The following HSD17B13 variants were observed in gnomAD, a reference collection of about 807,000 sequenced individuals.
HSD17B13 encodes the protein hydroxysteroid 17-beta dehydrogenase 13, also known as 17-beta-hydroxysteroid dehydrogenase 13.
In HSD17B13, 26 loss-of-function variants were observed where a neutral mutation model predicts 31.1. That is an observed-to-expected ratio of 0.84 (90% CI 0.61 to 1.16). HSD17B13 has a LOEUF of 1.16. HSD17B13 is among the 50% of genes most tolerant of loss of function. The pLI, the probability that HSD17B13 is intolerant of heterozygous loss-of-function variation, is 0.00. For synonymous variants in HSD17B13, 141 were observed against 133.7 expected (o/e 1.05, Z -0.38); for missense variants, 374 against 366.5 (o/e 1.02, Z -0.17).
chr4:87,319,365 A>G lies in HSD17B13; in HGVS notation c.211-929T>C, dbSNP rs192092827. 4.6e-3 allele frequency among the ~76,000 whole-genome samples: 699 copies of G among 152,328 alleles called. 3 individuals carry two copies. The highest frequency in any genetic ancestry group is 7.8e-3 in the Non-Finnish European group (529 of 68,022). ...TTTTCCTCTTGGTTGGAGGCTGTAC[A>G]GTAGGCAGTTTCTCTAAAGCAGGCT... On this transcript the variant is annotated intron_variant, in intron 1 of 6. Transcript: ENST00000328546.
chr4:87,317,027 G>A (rs555569080), intron 3 of HSD17B13, 65 bp downstream of exon 3: 36 of 1,525,216 alleles, frequency 2.4e-5, no homozygotes, highest in South Asian at 1.5e-4. Context: ...TGTGAACTCC[G>A]TTATAAGTTT....
At chr4:87,305,373 T>G in intron 6 of HSD17B13, 65 bp from the exon 7 acceptor site, 3 of 1,079,226 alleles carry the variant, frequency 2.8e-6, no homozygotes, top group Non-Finnish European at 3.9e-6. Flanking sequence ...CAGAGTTCTG[T>G]TTTTGGTCAT....
rs748883101 is a variant in HSD17B13 at position 87,322,653 on chromosome 4, C to T, written c.189G>A (p.Leu63=). The change falls in exon 1 of 7, where the codon TTG becomes TTA. Residue 63 remains leucine, a synonymous_variant. Coordinates refer to ENST00000328546, the MANE Select transcript of HSD17B13 (RefSeq NM_178135.5). Reference sequence around the variant, plus strand: ...TTACCTTATTAATATCCCACAGAACCAATATGCTCTGTCGTTTTGCAAATT... The same window carrying T: ...TTACCTTATTAATATCCCACAGAACTAATATGCTCTGTCGTTTTGCAAATT... The part of the protein sequence containing the change: ...TYEFAKRQSI[L]VLWDINKRGV... 2 of 1,611,658 alleles carry T rather than the reference C, an allele frequency of 1.2e-6. No individual in the cohort carries two copies.
Position 87,303,885 on chromosome 4 carries a change from C to G in HSD17B13, c.*1333G>C. 1 of 121,054 alleles carries G rather than the reference C, an allele frequency of 8.3e-6. No individual in the cohort carries two copies. Among genetic ancestry groups the G allele is most frequent in the Non-Finnish European group, 1.8e-5 (1 of 56,140 alleles). The allele number at this position is 121,054 out of a possible 1,614,324, so 7.5% of individuals were successfully genotyped here. A position where few individuals can be genotyped will look rare whatever the true frequency, so the allele number is the denominator to read the frequency against. On this transcript the variant is annotated 3_prime_UTR_variant, in exon 7 of 7. Transcript: ENST00000328546. ...TATTTTTAGTGAATTGTTTTTGTGACTTTTAAAAAAATCATTTGTTTTTAA... is the reference window on the plus strand; with the variant it reads ...TATTTTTAGTGAATTGTTTTTGTGAGTTTTAAAAAAATCATTTGTTTTTAA...
intron 5 of HSD17B13, among the ~76,000 whole-genome samples, chr4:87,312,325 T>C (rs1279696709): frequency 6.6e-6 from 1 of 152,110 alleles, no homozygotes; most frequent in African/African-American, 2.4e-5. Context: ...GTCAGCATAA[T>C]TTCACAAAGT....
intron 6 of HSD17B13, among the ~76,000 whole-genome samples, chr4:87,306,748 T>C (rs2110096530): frequency 6.6e-6 from 1 of 151,032 alleles, no homozygotes; most frequent in South Asian, 2.1e-4. Context: ...CTACTAAAAA[T>C]ACAAAAAAAC....
chr4:87,318,396 C>G lies in HSD17B13; in HGVS notation c.251G>C (p.Gly84Ala). The G allele has an allele frequency of 6.2e-7, 1 of 1,614,174 alleles. No homozygotes were observed. Among genetic ancestry groups the G allele is most frequent in the South Asian group, 1.1e-5 (1 of 91,080 alleles). ...EETAAECRKL[G>A]VTAHAYVVDC... ...TACCACATACGCATGCGCAGTGACG[C>G]CTAGTTTTCGGCACTCAGCTGCAGT... is the stretch of plus-strand genomic sequence containing the variant. Residue 84 changes from glycine to alanine, a missense_variant, in exon 2 of 7, where the codon GGC (glycine) becomes GCC (alanine). By Grantham distance (60) the Gly-to-Ala change is moderately conservative. Transcript: ENST00000328546.
intron 1 of HSD17B13, among the ~76,000 whole-genome samples, chr4:87,321,963 G>C (rs1365359022): frequency 6.6e-6 from 1 of 152,134 alleles, no homozygotes; most frequent in Admixed American, 6.5e-5. Context: ...CAAGATTTCA[G>C]TTCCTTCAGT....
At chr4:87,305,464 G>A (rs1043191374) in intron 6 of HSD17B13, among the ~76,000 whole-genome samples, 156 bp from the exon 7 acceptor site, 3 of 149,844 alleles carry the variant, frequency 2.0e-5, no homozygotes, top group African/African-American at 4.9e-5. Flanking sequence ...TCTCTTTTAC[G>A]TGTGCATCTT....
chr4:87,317,693 A>G (rs906845664), intron 2 of HSD17B13, among the ~76,000 whole-genome samples: 12 of 148,352 alleles, frequency 8.1e-5, no homozygotes, highest in Admixed American at 4.1e-4. Flanking sequence ...ACATGTGTGA[A>G]CCACCGCACC....
chr4:87,311,688 G>A (rs1276127158), intron 5 of HSD17B13, among the ~76,000 whole-genome samples: 1 of 152,174 alleles, frequency 6.6e-6, no homozygotes, highest in South Asian at 2.1e-4. Flanking sequence ...TCCAGGCATG[G>A]ACTGAACAGC....
intron 6 of HSD17B13, 22 bp from the exon 7 acceptor site, chr4:87,305,330 A>G: frequency 6.7e-7 from 1 of 1,495,682 alleles, no homozygotes; most frequent in Non-Finnish European, 9.0e-7. Context: ...AGAAAAAAAA[A>G]TTGAAAAATT....
At position 87,306,108 on chromosome 4, in the gene HSD17B13, T is replaced by A. The variant is rs138915756; in HGVS notation, c.813-800A>T. On this transcript the variant is annotated intron_variant, in intron 6 of 6. Transcript: ENST00000328546. Reference sequence around the variant, plus strand: ...AGATACCCAGGTTGCTTACGACAGGTCATCTTTGGTCATTTTAAATCAATC... The same window carrying A: ...AGATACCCAGGTTGCTTACGACAGGACATCTTTGGTCATTTTAAATCAATC... Among the ~76,000 whole-genome samples the A allele has an allele frequency of 2.0e-3, 309 of 152,302 alleles. 1 individual carries two copies. Among genetic ancestry groups the A allele is most frequent in the African/African-American group, 7.2e-3 (298 of 41,544 alleles).
In HSD17B13 at chr4:87,304,973, G is replaced by A. The variant is rs1734354914; in HGVS notation, c.*245C>T. 4 of 354,128 alleles carry A rather than the reference G, an allele frequency of 1.1e-5. No homozygotes were observed. In the Admixed American group the frequency reaches 1.9e-4, roughly 17 times the overall value. 21.9% of individuals were successfully genotyped at this position (354,128 alleles called of 1,614,324 possible). On this transcript the variant is annotated 3_prime_UTR_variant, in exon 7 of 7. Coordinates refer to ENST00000328546, the MANE Select transcript of HSD17B13 (RefSeq NM_178135.5). ...ATCTTAAAGAAAACCTTTTAAGTATGTTTATGTAAGCACAGAAGTTTTTAA... is the reference window on the plus strand; with the variant it reads ...ATCTTAAAGAAAACCTTTTAAGTATATTTATGTAAGCACAGAAGTTTTTAA...
chr4:87,318,681 C>A (rs747613573), intron 1 of HSD17B13, among the ~76,000 whole-genome samples: 1 of 151,094 alleles, frequency 6.6e-6, no homozygotes, highest in African/African-American at 2.4e-5. Context: ...GCCTGTAATC[C>A]CAGCTACTTG....
At chr4:87,308,530 A>C (rs1434847527) in intron 6 of HSD17B13, among the ~76,000 whole-genome samples, 3 of 110,812 alleles carry the variant, frequency 2.7e-5, no homozygotes, top group African/African-American at 1.1e-4. Context: ...AAAAAAAAAA[A>C]ATAAGCTGGG....
chr4:87,321,176 TGCACCCCC>T (rs1734778864), intron 1 of HSD17B13, among the ~76,000 whole-genome samples: 1 of 152,076 alleles, frequency 6.6e-6, no homozygotes. Context: ...ACTACGGGTG[TGCACCCCC>T]GCACCCAGCT....
In HSD17B13 at chr4:87,304,252, T is replaced by A. The variant is rs1016738747; in HGVS notation, c.*966A>T. The A allele has an allele frequency of 2.6e-5, 4 of 152,188 alleles. No individual in the cohort carries two copies. Among genetic ancestry groups the A allele is most frequent in the African/African-American group, 9.7e-5 (4 of 41,388 alleles). 9.4% of individuals were successfully genotyped at this position (152,188 alleles called of 1,614,324 possible). A position where few individuals can be genotyped will look rare whatever the true frequency, so the allele number is the denominator to read the frequency against. On this transcript the variant is annotated 3_prime_UTR_variant, in exon 7 of 7. Transcript: ENST00000328546. ...TGAACCCGGGAGGTGGAGCTTGCAG[T>A]GAGCTGAGATCATACCACTGCACTC...
rs1734390400 is a variant in HSD17B13 at position 87,306,432 on chromosome 4, CT to C, written c.813-1125del. ...AAAGTACTTGAAAAATAGCTATTGT[CT>C]TTGATATTGTTTAGCTGATAGGCTA... On this transcript the variant is annotated intron_variant, in intron 6 of 6. Transcript: ENST00000328546. 5.9e-5 allele frequency among the ~76,000 whole-genome samples: 9 copies of C among 152,218 alleles called. No individual in the cohort carries two copies. The South Asian group carries it at 1.9e-3, about 32-fold the overall frequency.
Sources: gnomAD v4.1 joint callset for allele counts (sites outside exome capture counted in the v4.1 genomes callset) on GRCh38, gnomAD v4.1.1 for gene constraint, MANE v1.5 for transcripts, NCBI Gene and HGNC (gene_info 2026-07-23, HGNC 2026-07-21) for gene names.